Variants in ZMAT4 observed in about 807,000 individuals in gnomAD.
ZMAT4 encodes the protein zinc finger matrin-type 4.
In ZMAT4, 17 loss-of-function variants were observed where a neutral mutation model predicts 28.7. That is an observed-to-expected ratio of 0.59 (90% CI 0.41 to 0.89). The LOEUF is 0.89. Among genes scored for constraint, ZMAT4 ranks in the 40% least tolerant of loss-of-function variants. The pLI is 0.00. For synonymous variants in ZMAT4, 117 were observed against 109.2 expected (o/e 1.07, Z -0.44); for missense variants, 240 against 283.8 (o/e 0.85, Z 1.11).
intron 1 of ZMAT4, among the ~76,000 whole-genome samples, chr8:40,832,850 G>C (rs1286417381): frequency 1.3e-5 from 2 of 152,214 alleles, no homozygotes; most frequent in Non-Finnish European, 2.9e-5. Flanking sequence ...CTAAGACTCT[G>C]CTCAGAAGGG....
intron 5 of ZMAT4, among the ~76,000 whole-genome samples, chr8:40,634,585 C>T (rs1261422615): frequency 1.3e-5 from 2 of 152,112 alleles, no homozygotes; most frequent in Non-Finnish European, 2.9e-5. Flanking sequence ...AGCAGTTATC[C>T]TACATGTAAT....
chr8:40,663,293 T>G (rs190246584), intron 5 of ZMAT4, among the ~76,000 whole-genome samples: 2 of 152,216 alleles, frequency 1.3e-5, no homozygotes, highest in Non-Finnish European at 2.9e-5. Context: ...AAGTCGTTTT[T>G]TTCTGTGTTC....
At chr8:40,596,859 G>A (rs545877242) in intron 5 of ZMAT4, among the ~76,000 whole-genome samples, 109 of 152,296 alleles carry the variant, frequency 7.2e-4, no homozygotes, top group African/African-American at 2.5e-3. Flanking sequence ...CCCACAGAGA[G>A]GACGAAGGCC....
chr8:40,799,035 A>G (rs948402937), intron 2 of ZMAT4, among the ~76,000 whole-genome samples: 4 of 152,012 alleles, frequency 2.6e-5, no homozygotes, highest in Admixed American at 2.0e-4. Flanking sequence ...AAATAGATAG[A>G]AGGATAGATG....
At chr8:40,759,906 A>G (rs950585956) in intron 3 of ZMAT4, among the ~76,000 whole-genome samples, 12 of 152,182 alleles carry the variant, frequency 7.9e-5, no homozygotes, top group Non-Finnish European at 1.5e-4. Flanking sequence ...GGCCAGACAC[A>G]AACTCTCCCA....
At chr8:40,639,851 G>A (rs932971911) in intron 5 of ZMAT4, among the ~76,000 whole-genome samples, 1 of 151,638 alleles carries the variant, frequency 6.6e-6, no homozygotes, top group East Asian at 1.9e-4. Flanking sequence ...GAAAGATCTA[G>A]GAGAGAACAC....
In ZMAT4 at chr8:40,552,994, G is replaced by A. The variant is rs149037428; in HGVS notation, c.675-20756C>T. Reference sequence around the variant, plus strand: ...TTATATCCTGCTGCTCAAGGTCATCGCCAAGGACTGATTGTAAAAATTCAA... The same window carrying A: ...TTATATCCTGCTGCTCAAGGTCATCACCAAGGACTGATTGTAAAAATTCAA... On this transcript the variant is annotated intron_variant, in intron 6 of 6. Transcript: ENST00000297737. 2.3e-3 allele frequency among the ~76,000 whole-genome samples: 356 copies of A among 152,244 alleles called. 3 individuals are homozygous for A. The highest frequency in any genetic ancestry group is 7.8e-3 in the African/African-American group (322 of 41,546).
At chr8:40,611,211 C>T (rs183869275) in intron 5 of ZMAT4, among the ~76,000 whole-genome samples, 2 of 152,236 alleles carry the variant, frequency 1.3e-5, no homozygotes, top group Non-Finnish European at 2.9e-5. Context: ...AAAATCTATT[C>T]AGGGCAAAAA....
At chr8:40,759,612 C>T (rs1812845464) in intron 3 of ZMAT4, among the ~76,000 whole-genome samples, 1 of 152,130 alleles carries the variant, frequency 6.6e-6, no homozygotes, top group South Asian at 2.1e-4. Flanking sequence ...TGAGAATTAC[C>T]TTTCTGACGT....
intron 6 of ZMAT4, among the ~76,000 whole-genome samples, chr8:40,577,462 C>A (rs1804306145): frequency 6.6e-6 from 1 of 152,016 alleles, no homozygotes; most frequent in Non-Finnish European, 1.5e-5. Context: ...CATATGAAAG[C>A]TAAAAGAGCT....
chr8:40,702,310 G>A (rs1810184019), intron 3 of ZMAT4, among the ~76,000 whole-genome samples: 1 of 152,204 alleles, frequency 6.6e-6, no homozygotes, highest in South Asian at 2.1e-4. Context: ...GCCCGGGGTA[G>A]AAACTCCATA....
At chr8:40,783,882 G>C (rs904097054) in intron 2 of ZMAT4, among the ~76,000 whole-genome samples, 61 of 152,086 alleles carry the variant, frequency 4.0e-4, no homozygotes, top group Non-Finnish European at 7.8e-4. Context: ...GTGGTGGCAG[G>C]TGCCTGTAAT....
rs76741418 is a variant in ZMAT4, at chr8:40,678,494, C to T, written c.350-3563G>A. Among the ~76,000 whole-genome samples the T allele has an allele frequency of 7.3e-3, 1,116 of 152,338 alleles. 16 individuals carry two copies. Among genetic ancestry groups the T allele is most frequent in the African/African-American group, 0.026 (1,066 of 41,582 alleles). ...GTACCAGGCTCTCCACATAGCCGTG[C>T]ACCTGTCCCACAAGATGCTACTGAA... On this transcript the variant is annotated intron_variant, in intron 4 of 6. Transcript: ENST00000297737.
At chr8:40,590,454 C>G (rs772347074) in intron 5 of ZMAT4, among the ~76,000 whole-genome samples, 16 of 152,040 alleles carry the variant, frequency 1.1e-4, no homozygotes, top group South Asian at 6.2e-4. Context: ...TTATCATCTC[C>G]CCTAAGGTTT....
intron 3 of ZMAT4, among the ~76,000 whole-genome samples, chr8:40,719,408 C>G (rs931745432): frequency 2.6e-5 from 4 of 151,860 alleles, no homozygotes; most frequent in Admixed American, 6.6e-5. Flanking sequence ...TGCCATCCAA[C>G]CTGGGTGTCA....
intron 2 of ZMAT4, among the ~76,000 whole-genome samples, chr8:40,813,049 G>A (rs1368740972): frequency 6.6e-6 from 1 of 151,588 alleles, no homozygotes; most frequent in East Asian, 1.9e-4. Context: ...TTCATTAGCT[G>A]TGACAAATGT....
chr8:40,821,472 T>A (rs1284290760), intron 2 of ZMAT4, among the ~76,000 whole-genome samples: 35 of 151,906 alleles, frequency 2.3e-4, no homozygotes, highest in Non-Finnish European at 4.4e-5. Context: ...ATGTTCCCTA[T>A]TTTTTTTCAC....
chr8:40,703,027 A>ATATATT (rs1554542588), intron 3 of ZMAT4, among the ~76,000 whole-genome samples: 3 of 152,108 alleles, frequency 2.0e-5, no homozygotes, highest in East Asian at 1.9e-4. Context: ...ATATATATAT[A>ATATATT]TTCAATAAGG....
At chr8:40,783,964 A>G (rs752433646) in intron 2 of ZMAT4, among the ~76,000 whole-genome samples, 12 of 152,054 alleles carry the variant, frequency 7.9e-5, no homozygotes, top group Non-Finnish European at 1.5e-4. Flanking sequence ...TGAGCAGAGA[A>G]GGCACCACTG....
Sources: gnomAD v4.1 joint callset for allele counts (sites outside exome capture counted in the v4.1 genomes callset) on GRCh38, gnomAD v4.1.1 for gene constraint, MANE v1.5 for transcripts, NCBI Gene and HGNC (gene_info 2026-07-23, HGNC 2026-07-21) for gene names.